The following PTPRD variants were observed in gnomAD, a reference collection of about 807,000 sequenced individuals.
PTPRD encodes receptor-type tyrosine-protein phosphatase delta.
Under a neutral mutation model 214.5 loss-of-function variants are expected in PTPRD, and 34 were observed. The observed-to-expected ratio is 0.16, with a 90% CI of 0.12 to 0.21. The LOEUF is 0.21. PTPRD is among the 10% of genes least tolerant of loss of function. The pLI is 1.00. For missense variants in PTPRD, 2,545 were observed against 2,398.7 expected (o/e 1.06, Z -1.27); for synonymous variants, 1,128 against 845.7 (o/e 1.33, Z -5.79).
At chr9:9,224,847 T>A (rs1417248936) in intron 9 of PTPRD, among the ~76,000 whole-genome samples, 1 of 152,002 alleles carries the variant, frequency 6.6e-6, no homozygotes, top group Non-Finnish European at 1.5e-5. Context: ...AATAAAAAGA[T>A]ACATGGGATT....
intron 14 of PTPRD, among the ~76,000 whole-genome samples, chr9:8,571,295 C>G (rs151245514): frequency 1.1e-4 from 17 of 152,212 alleles, no homozygotes; most frequent in African/African-American, 4.1e-4. Context: ...GCAGGGCCAG[C>G]TGATTCCAAC....
intron 3 of PTPRD, among the ~76,000 whole-genome samples, chr9:10,272,064 C>G (rs2382200): frequency 0.63 from 95,452 of 151,874 alleles, 31,130 homozygotes; most frequent in East Asian, 0.81. Flanking sequence ...TAGAAAGAAA[C>G]CCCATACTCT....
intron 7 of PTPRD, among the ~76,000 whole-genome samples, chr9:9,581,089 C>G (rs1170551993): frequency 3.3e-5 from 5 of 152,044 alleles, no homozygotes; most frequent in Non-Finnish European, 7.4e-5. Flanking sequence ...CTTCATAAAG[C>G]AGATACATAA....
intron 14 of PTPRD, among the ~76,000 whole-genome samples, chr9:8,621,388 T>A (rs12683602): frequency 0.089 from 13,558 of 151,974 alleles, 714 homozygotes; most frequent in East Asian, 0.18. Context: ...TTTTAATTTT[T>A]AAAAAAAATT....
At chr9:10,056,132 C>T (rs1183240685) in intron 3 of PTPRD, among the ~76,000 whole-genome samples, 3 of 151,704 alleles carry the variant, frequency 2.0e-5, no homozygotes, top group Non-Finnish European at 4.4e-5. Flanking sequence ...ACCAGCCTGA[C>T]CAACATGGTA....
At chr9:8,365,346 C>G (rs539925202) in intron 39 of PTPRD, among the ~76,000 whole-genome samples, 1 of 152,108 alleles carries the variant, frequency 6.6e-6, no homozygotes, top group Non-Finnish European at 1.5e-5. Flanking sequence ...GAGTTAAGAG[C>G]ACAAGTTTCT....
intron 5 of PTPRD, among the ~76,000 whole-genome samples, chr9:9,792,803 G>C (rs1049951674): frequency 6.6e-6 from 1 of 152,080 alleles, no homozygotes; most frequent in Non-Finnish European, 1.5e-5. Flanking sequence ...AAGCAGCTGG[G>C]ACAGGTGTTA....
intron 8 of PTPRD, among the ~76,000 whole-genome samples, chr9:9,465,137 T>C (rs1326694567): frequency 1.3e-5 from 2 of 152,322 alleles, no homozygotes; most frequent in East Asian, 3.9e-4. Flanking sequence ...ATGATCTGTA[T>C]AGTTTTGATC....
chr9:8,592,838 A>G (rs1427463436), intron 14 of PTPRD, among the ~76,000 whole-genome samples: 1 of 152,250 alleles, frequency 6.6e-6, no homozygotes, highest in Admixed American at 6.5e-5. Flanking sequence ...CGAGAAGATA[A>G]CTAACTTTAC....
chr9:9,103,810 G>A (rs1488716493), intron 10 of PTPRD, among the ~76,000 whole-genome samples: 1 of 151,962 alleles, frequency 6.6e-6, no homozygotes, highest in African/African-American at 2.4e-5. Flanking sequence ...ATGAAACCCT[G>A]TCTCTACAAA....
chr9:10,072,827 T>G (rs573858159), intron 3 of PTPRD, among the ~76,000 whole-genome samples: 1 of 152,226 alleles, frequency 6.6e-6, no homozygotes, highest in Non-Finnish European at 1.5e-5. Context: ...ACGATCCAAT[T>G]ATCACTTTCT....
chr9:8,447,534 G>A (rs2095781212), intron 34 of PTPRD, among the ~76,000 whole-genome samples: 1 of 152,178 alleles, frequency 6.6e-6, no homozygotes, highest in Non-Finnish European at 1.5e-5. Context: ...ATCTGAAAGT[G>A]AGAAGTACTT....
chr9:9,560,784 G>A (rs1420731809), intron 8 of PTPRD, among the ~76,000 whole-genome samples: 2 of 151,948 alleles, frequency 1.3e-5, no homozygotes, highest in Admixed American at 6.6e-5. Context: ...GCTTAAAGTA[G>A]CTTTCTCATT....
chr9:9,862,354 C>G (rs2062961789), intron 5 of PTPRD, among the ~76,000 whole-genome samples: 1 of 152,212 alleles, frequency 6.6e-6, no homozygotes, highest in South Asian at 2.1e-4. Flanking sequence ...TCTGCCCCAT[C>G]TATGCAGACA....
chr9:8,470,269 C>T (rs72692974), intron 31 of PTPRD, among the ~76,000 whole-genome samples: 7,441 of 152,030 alleles, frequency 0.049, 241 homozygotes, highest in South Asian at 0.094. Flanking sequence ...TATTTTCTTG[C>T]CTAAATAGAA....
intron 12 of PTPRD, among the ~76,000 whole-genome samples, chr9:8,655,994 C>G (rs1446984085): frequency 1.3e-5 from 2 of 152,134 alleles, no homozygotes; most frequent in Non-Finnish European, 2.9e-5. Flanking sequence ...ACCTATCAGA[C>G]AAGACTTTTT....
chr9:10,135,420 A>G (rs2098935174), intron 3 of PTPRD, among the ~76,000 whole-genome samples: 1 of 152,108 alleles, frequency 6.6e-6, no homozygotes, highest in Non-Finnish European at 1.5e-5. Context: ...CCCAAGATAC[A>G]TAGTCATCGG....
chr9:10,503,480 C>T (rs2044605074), intron 2 of PTPRD, among the ~76,000 whole-genome samples: 1 of 151,140 alleles, frequency 6.6e-6, no homozygotes, highest in African/African-American at 2.4e-5. Context: ...TCTAATAGTA[C>T]CTAAAGGGAT....
intron 12 of PTPRD, among the ~76,000 whole-genome samples, chr9:8,687,809 T>C (rs1054587931): frequency 1.3e-5 from 2 of 152,138 alleles, no homozygotes; most frequent in African/African-American, 4.8e-5. Context: ...ACTACTCATA[T>C]TCCCTGAGAA....
Sources: gnomAD v4.1 joint callset for allele counts (sites outside exome capture counted in the v4.1 genomes callset) on GRCh38, gnomAD v4.1.1 for gene constraint, MANE v1.5 for transcripts, NCBI Gene and HGNC (gene_info 2026-07-23, HGNC 2026-07-21) for gene names.